The following PSD3 variants were observed in gnomAD, a reference collection of about 807,000 sequenced individuals.
PSD3 encodes PH and SEC7 domain-containing protein 3.
PSD3 carries 49 observed loss-of-function variants against 105.5 expected under a neutral mutation model. The ratio of observed to expected loss-of-function variants is 0.46; its 90% CI spans 0.37 to 0.59. PSD3 has a LOEUF of 0.59. Among genes scored for constraint, PSD3 ranks in the 20% least tolerant of loss-of-function variants. PSD3 has a pLI of 0.00. For synonymous variants in PSD3, 557 were observed against 457.8 expected (o/e 1.22, Z -2.77); for missense variants, 1,561 against 1,263.8 (o/e 1.24, Z -3.57).
chr8:18,697,965 C>T (rs138583205), intron 9 of PSD3, among the ~76,000 whole-genome samples: 4 of 152,324 alleles, frequency 2.6e-5, no homozygotes, highest in African/African-American at 9.6e-5. Flanking sequence ...CATGTCCTAA[C>T]TCTCAGATCA....
chr8:19,065,891 C>G (rs1260891161), intron 1 of PSD3, among the ~76,000 whole-genome samples: 1 of 152,212 alleles, frequency 6.6e-6, no homozygotes, highest in African/African-American at 2.4e-5. Context: ...CTAATCCTGC[C>G]TTGATCTTTC....
intron 2 of PSD3, among the ~76,000 whole-genome samples, chr8:18,875,121 G>C (rs1817645131): frequency 6.6e-6 from 1 of 152,100 alleles, no homozygotes; most frequent in African/African-American, 2.4e-5. Flanking sequence ...GTCTCACTGT[G>C]TTGCCCAGGC....
chr8:18,595,842 G>C lies in PSD3; in HGVS notation c.2481+4522C>G, dbSNP rs114642257. Among the ~76,000 whole-genome samples, 1,059 of 152,078 alleles carry C rather than the reference G, an allele frequency of 7.0e-3. 14 individuals are homozygous for C. Among genetic ancestry groups the C allele is most frequent in the African/African-American group, 0.024 (984 of 41,536 alleles). Reference sequence around the variant, plus strand: ...CACTCCCCACTCTCTATAATGTACAGAACTTCTAGACAGAAGACTAATAAA... The same window carrying C: ...CACTCCCCACTCTCTATAATGTACACAACTTCTAGACAGAAGACTAATAAA... On this transcript the variant is annotated intron_variant, in intron 12 of 15. Coordinates refer to ENST00000327040, the MANE Select transcript of PSD3 (RefSeq NM_015310.4).
At chr8:18,617,647 G>A (rs1402473405) in intron 11 of PSD3, among the ~76,000 whole-genome samples, 8 of 151,618 alleles carry the variant, frequency 5.3e-5, no homozygotes, top group Admixed American at 4.0e-4. Flanking sequence ...GGATTCCAAA[G>A]GAACTTGAAA....
chr8:18,770,712 G>A (rs1255483530), intron 8 of PSD3, among the ~76,000 whole-genome samples: 1 of 152,216 alleles, frequency 6.6e-6, no homozygotes, highest in Non-Finnish European at 1.5e-5. Context: ...GTGTTTGGGT[G>A]CTCTTTTAGC....
chr8:18,805,626 C>G (rs567220059), intron 4 of PSD3, among the ~76,000 whole-genome samples: 1 of 152,092 alleles, frequency 6.6e-6, no homozygotes. Context: ...CTATCTTATA[C>G]TTTGAATGGA....
intron 1 of PSD3, among the ~76,000 whole-genome samples, chr8:19,032,685 A>G (rs1220841011): frequency 1.3e-5 from 2 of 151,334 alleles, no homozygotes; most frequent in African/African-American, 2.4e-5. Context: ...ATCCAAGTTG[A>G]TTTATGTTGT....
At chr8:18,719,268 A>G (rs912047945) in intron 9 of PSD3, among the ~76,000 whole-genome samples, 4 of 152,204 alleles carry the variant, frequency 2.6e-5, no homozygotes, top group Non-Finnish European at 5.9e-5. Context: ...TCCTCTAAAC[A>G]AGACTGCATT....
chr8:18,775,381 A>G lies in PSD3; in HGVS notation c.2083-9843T>C, dbSNP rs147264196. 4.6e-3 allele frequency among the ~76,000 whole-genome samples: 708 copies of G among 152,312 alleles called. 8 individuals are homozygous for G. The highest frequency in any genetic ancestry group is 0.014 in the African/African-American group (567 of 41,564). ...CGTTTCTTTTAAATATATACCAAGC[A>G]GTGGGAATGGAGAGTCATATGGTAG... On this transcript the variant is annotated intron_variant, in intron 8 of 15. Transcript: ENST00000327040.
chr8:19,064,939 G>A (rs1411088680), intron 1 of PSD3, among the ~76,000 whole-genome samples: 4 of 152,068 alleles, frequency 2.6e-5, no homozygotes, highest in Non-Finnish European at 5.9e-5. Flanking sequence ...CCTGCACTAG[G>A]TCCCAACAGA....
intron 1 of PSD3, among the ~76,000 whole-genome samples, chr8:18,941,813 C>G (rs1822564870): frequency 6.6e-6 from 1 of 151,154 alleles, no homozygotes; most frequent in South Asian, 2.1e-4. Flanking sequence ...GCTGGGATTA[C>G]AAGCACGCAT....
chr8:19,027,740 C>T (rs1307196691), intron 1 of PSD3, among the ~76,000 whole-genome samples: 1 of 152,152 alleles, frequency 6.6e-6, no homozygotes, highest in African/African-American at 2.4e-5. Context: ...TAGCATAATG[C>T]TTTTGAGATT....
chr8:18,913,471 A>G (rs1820380201), intron 2 of PSD3, among the ~76,000 whole-genome samples: 1 of 152,128 alleles, frequency 6.6e-6, no homozygotes, highest in Non-Finnish European at 1.5e-5. Flanking sequence ...CTGCACCCAC[A>G]GACCCAGAAA....
At chr8:18,882,156 T>G (rs1450318916) in intron 2 of PSD3, among the ~76,000 whole-genome samples, 1 of 152,112 alleles carries the variant, frequency 6.6e-6, no homozygotes, top group Non-Finnish European at 1.5e-5. Context: ...TGCAGTGAAC[T>G]GTGATTGTGC....
At chr8:18,762,464 G>C (rs1014584668) in intron 9 of PSD3, among the ~76,000 whole-genome samples, 1 of 152,192 alleles carries the variant, frequency 6.6e-6, no homozygotes, top group Non-Finnish European at 1.5e-5. Flanking sequence ...GTTTGCAGCA[G>C]TGGGAGAATG....
chr8:18,991,310 C>A (rs141256460), intron 1 of PSD3, among the ~76,000 whole-genome samples: 2 of 151,670 alleles, frequency 1.3e-5, no homozygotes, highest in Non-Finnish European at 2.9e-5. Context: ...TGTTTACTCT[C>A]TCGGACAATA....
chr8:19,084,290 C>T (rs909545125), exon 1 of PSD3: 20 of 456,140 alleles, frequency 4.4e-5, no homozygotes, highest in Middle Eastern at 3.2e-4. Context: ...ATGCCCTTGT[C>T]GCCTGCGCTG....
intron 1 of PSD3, among the ~76,000 whole-genome samples, chr8:18,953,160 C>A (rs1823350801): frequency 6.6e-6 from 1 of 152,166 alleles, no homozygotes; most frequent in South Asian, 2.1e-4. Context: ...AAAACAAAGT[C>A]ACCAGTTTTT....
intron 1 of PSD3, among the ~76,000 whole-genome samples, chr8:19,026,114 A>G (rs1033485142): frequency 3.3e-5 from 5 of 152,128 alleles, no homozygotes; most frequent in African/African-American, 1.2e-4. Flanking sequence ...GGAAAACAGC[A>G]AGGGAAAGAC....
Sources: allele counts gnomAD v4.1 joint callset (sites outside exome capture counted in the v4.1 genomes callset), GRCh38; gene constraint gnomAD v4.1.1; transcripts MANE v1.5; gene names NCBI Gene and HGNC (gene_info 2026-07-23, HGNC 2026-07-21).